Variants in CDKAL1 observed in about 807,000 individuals in gnomAD.
The protein encoded by CDKAL1 is threonylcarbamoyladenosine tRNA methylthiotransferase.
CDKAL1 carries 32 observed loss-of-function variants against 68.2 expected under a neutral mutation model. The ratio of observed to expected loss-of-function variants is 0.47; its 90% CI spans 0.35 to 0.63. The LOEUF (loss-of-function observed/expected upper bound fraction) is 0.63, where lower values mean the gene tolerates loss of function less well. Among genes scored for constraint, CDKAL1 ranks in the 30% least tolerant of loss-of-function variants. The pLI, the probability that CDKAL1 is intolerant of heterozygous loss-of-function variation, is 0.00. For synonymous variants in CDKAL1, 234 were observed against 244.3 expected (o/e 0.96, Z 0.39); for missense variants, 606 against 696.7 (o/e 0.87, Z 1.47).
chr6:20,549,984 AAT>A (rs1554148598), intron 4 of CDKAL1, among the ~76,000 whole-genome samples: 3 of 141,230 alleles, frequency 2.1e-5, no homozygotes, highest in African/African-American at 5.2e-5. Context: ...TAATTAATTA[AAT>A]TTTTTTTTTT....
chr6:21,022,252 C>T (rs944232126), intron 11 of CDKAL1, among the ~76,000 whole-genome samples: 6 of 152,214 alleles, frequency 3.9e-5, no homozygotes, highest in African/African-American at 1.4e-4. Context: ...TAAACCTTAA[C>T]TCATTCCACT....
intron 13 of CDKAL1, among the ~76,000 whole-genome samples, chr6:21,181,528 GCACCTTGATCTT>G (rs1169223556): frequency 1.3e-5 from 2 of 152,152 alleles, no homozygotes; most frequent in African/African-American, 4.8e-5. Flanking sequence ...CGAGGCACTG[GCACCTTGATCTT>G]TGACTTCCTG....
At chr6:20,647,665 A>G (rs1227151227) in intron 4 of CDKAL1, among the ~76,000 whole-genome samples, 1 of 152,150 alleles carries the variant, frequency 6.6e-6, no homozygotes, top group African/African-American at 2.4e-5. Context: ...GAGGAATATC[A>G]CTCAGGTGGC....
intron 4 of CDKAL1, among the ~76,000 whole-genome samples, chr6:20,639,086 C>A (rs2127749336): frequency 1.3e-5 from 2 of 152,228 alleles, no homozygotes; most frequent in East Asian, 3.9e-4. Flanking sequence ...TATGACCAGG[C>A]CTACTTAGCT....
In CDKAL1 at chr6:20,816,979, G is replaced by A. The variant is rs573388709; in HGVS notation, c.639-29096G>A. 8.5e-5 allele frequency among the ~76,000 whole-genome samples: 13 copies of A among 152,248 alleles called. No homozygotes were observed. The East Asian group carries it at 1.2e-3, about 14-fold the overall frequency. ...TAAACAGAGGATTGTGGAGGGCAGG[G>A]TTTGGAAGAACACCCAAAATTCTTT... On this transcript the variant is annotated intron_variant, in intron 8 of 15. Transcript: ENST00000274695.
chr6:20,763,542 C>T (rs1456000849), intron 7 of CDKAL1, among the ~76,000 whole-genome samples: 1 of 152,172 alleles, frequency 6.6e-6, no homozygotes, highest in East Asian at 1.9e-4. Flanking sequence ...GGAATACCGC[C>T]TGACAAGAGG....
intron 11 of CDKAL1, among the ~76,000 whole-genome samples, chr6:21,057,713 CT>C (rs900431976): frequency 2.0e-5 from 3 of 152,134 alleles, no homozygotes; most frequent in African/African-American, 7.2e-5. Context: ...CATGCTGTCT[CT>C]TTATTCTCAT....
intron 6 of CDKAL1, among the ~76,000 whole-genome samples, chr6:20,739,826 A>G (rs1263354900): frequency 2.0e-5 from 3 of 152,230 alleles, no homozygotes; most frequent in Non-Finnish European, 1.5e-5. Context: ...TCTCATTAAG[A>G]AAGAGCAACA....
At chr6:20,585,174 A>G (rs1765295968) in intron 4 of CDKAL1, among the ~76,000 whole-genome samples, 1 of 149,568 alleles carries the variant, frequency 6.7e-6, no homozygotes, top group Non-Finnish European at 1.5e-5. Context: ...CTCCTGCCTC[A>G]GCCTCCCCAG....
At chr6:20,794,072 C>A (rs1776013926) in intron 8 of CDKAL1, among the ~76,000 whole-genome samples, 1 of 151,616 alleles carries the variant, frequency 6.6e-6, no homozygotes. Flanking sequence ...ATTGACTGAT[C>A]TTTTAATGTC....
chr6:21,041,602 C>CTTT (rs61519451), intron 11 of CDKAL1, among the ~76,000 whole-genome samples: 87 of 138,084 alleles, frequency 6.3e-4, no homozygotes, highest in Middle Eastern at 3.7e-3. Context: ...CTCTGAAAAT[C>CTTT]TTTTTTTTTT....
intron 10 of CDKAL1, among the ~76,000 whole-genome samples, chr6:20,956,321 A>T (rs1253146660): frequency 3.3e-5 from 5 of 152,256 alleles, no homozygotes; most frequent in Admixed American, 2.0e-4. Context: ...CAAACTAGGC[A>T]AATGGGCATA....
chr6:21,221,046 A>G (rs1476589548), intron 15 of CDKAL1, among the ~76,000 whole-genome samples: 1 of 152,020 alleles, frequency 6.6e-6, no homozygotes, highest in African/African-American at 2.4e-5. Flanking sequence ...ACATGCCTGT[A>G]ATCCCAGCTA....
rs565641303 is a variant in CDKAL1 at position 21,133,393 on chromosome 6, C to G, written c.1299+24930C>G. ...CAGCCCTGGTGCTCAGGACTCCATG[C>G]ATATTCCTACACCAGATTTTTGATC... On this transcript the variant is annotated intron_variant, in intron 13 of 15. Transcript: ENST00000274695. 2.6e-5 allele frequency among the ~76,000 whole-genome samples: 4 copies of G among 152,324 alleles called. No individual in the cohort carries two copies. The East Asian group carries it at 7.7e-4, about 29-fold the overall frequency.
At chr6:21,034,790 C>T (rs1769482204) in intron 11 of CDKAL1, among the ~76,000 whole-genome samples, 1 of 152,116 alleles carries the variant, frequency 6.6e-6, no homozygotes, top group African/African-American at 2.4e-5. Context: ...ATTTTTGTTG[C>T]TGTTACATTT....
At chr6:21,007,369 C>T (rs557219989) in intron 11 of CDKAL1, among the ~76,000 whole-genome samples, 1 of 150,914 alleles carries the variant, frequency 6.6e-6, no homozygotes, top group South Asian at 2.1e-4. Context: ...CCTATAGTCC[C>T]AAGTAGTCGC....
intron 4 of CDKAL1, among the ~76,000 whole-genome samples, chr6:20,637,248 T>G (rs1466173550): frequency 6.6e-6 from 1 of 151,714 alleles, no homozygotes; most frequent in African/African-American, 2.4e-5. Context: ...TTCGAGATGT[T>G]TGATAATGAA....
intron 9 of CDKAL1, among the ~76,000 whole-genome samples, chr6:20,909,156 T>C (rs1018846797): frequency 1.3e-5 from 2 of 151,484 alleles, no homozygotes; most frequent in African/African-American, 2.4e-5. Flanking sequence ...TGAAATTGTA[T>C]GTATATGTAT....
Position 21,220,230 on chromosome 6 carries a change from A to G in CDKAL1, c.1549-10618A>G, listed in dbSNP as rs78676407. Among the ~76,000 whole-genome samples, 969 of 152,176 alleles carry G rather than the reference A, an allele frequency of 6.4e-3. 5 individuals carry two copies. The highest frequency in any genetic ancestry group is 0.01 in the Middle Eastern group (3 of 294). ...TGTGTGTGTGTGTGTTTGCGAGCAC[A>G]TGTGCACTTGTCCATATATCTTAGG... On this transcript the variant is annotated intron_variant, in intron 15 of 15. Transcript: ENST00000274695.
Sources: allele counts gnomAD v4.1 joint callset (sites outside exome capture counted in the v4.1 genomes callset), GRCh38; gene constraint gnomAD v4.1.1; transcripts MANE v1.5; gene names NCBI Gene and HGNC (gene_info 2026-07-23, HGNC 2026-07-21).